Variants in ATPSCKMT observed in about 807,000 individuals in gnomAD.
ATPSCKMT encodes the protein ATP synthase c subunit lysine N-methyltransferase, also known as ATP synthase subunit C lysine N-methyltransferase.
ATPSCKMT carries 24 observed loss-of-function variants against 24.3 expected under a neutral mutation model. The observed-to-expected ratio is 0.99, with a 90% CI of 0.71 to 1.39. ATPSCKMT has a LOEUF of 1.39. ATPSCKMT is among the 40% of genes most tolerant of loss of function. The pLI, the probability that ATPSCKMT is intolerant of heterozygous loss-of-function variation, is 0.00. For synonymous variants in ATPSCKMT, 95 were observed against 110.5 expected, an observed-to-expected ratio of 0.86 and a Z score of 0.88; for missense variants, 311 against 298.4, an observed-to-expected ratio of 1.04 and a Z score of -0.31.
chr5:10,226,887 A>G lies in ATPSCKMT; in HGVS notation c.*554T>C, dbSNP rs1743904596. ...TACATTTACACATACATGTATACAA[A>G]TGTACACATATACAGCTTAGATTCC... is the stretch of plus-strand genomic sequence containing the variant. On this transcript the variant is annotated 3_prime_UTR_variant, in exon 5 of 5. Transcript: ENST00000511437. 1 of 155,102 alleles carries G rather than the reference A, an allele frequency of 6.4e-6. No individual in the cohort carries two copies. The highest frequency in any genetic ancestry group is 2.4e-5 in the African/African-American group (1 of 41,468). 9.6% of individuals were successfully genotyped at this position (155,102 alleles called of 1,614,324 possible).
chr5:10,233,487 G>A (rs1440378256), intron 4 of ATPSCKMT, among the ~76,000 whole-genome samples: 1 of 152,162 alleles, frequency 6.6e-6, no homozygotes, highest in Non-Finnish European at 1.5e-5. Flanking sequence ...AATGGTACAT[G>A]TTCCTTATTT....
chr5:10,239,139 A>C lies in ATPSCKMT; in HGVS notation c.234T>G (p.Ile78Met). 6.2e-7 allele frequency: 1 copy of C among 1,614,202 alleles called. No individual in the cohort carries two copies. The highest frequency in any genetic ancestry group is 8.5e-7 in the Non-Finnish European group (1 of 1,180,046). The change falls in exon 2 of 5, where the codon ATT becomes ATG. Residue 78 changes from isoleucine (I) to methionine (M), a missense_variant. Coordinates refer to ENST00000511437, the MANE Select transcript of ATPSCKMT (RefSeq NM_199133.4). ...ATCGCAACATTTTCACAACATTTTC[A>C]ATCTGCTTCGTAGTTGCAGGTACAA... ...LPFVPATTKQ[I>M]ENVVKMLRCR...
chr5:10,233,435 T>C (rs1352997946), intron 4 of ATPSCKMT, among the ~76,000 whole-genome samples: 2 of 152,182 alleles, frequency 1.3e-5, no homozygotes, highest in Non-Finnish European at 2.9e-5. Context: ...CGTGGACACT[T>C]TGTATCCTTC....
At chr5:10,246,659 T>C (rs549244441) in intron 1 of ATPSCKMT, among the ~76,000 whole-genome samples, 1 of 152,348 alleles carries the variant, frequency 6.6e-6, no homozygotes, top group East Asian at 1.9e-4. Context: ...ACGCATTTGT[T>C]CACCAAGTTT....
chr5:10,240,480 C>T (rs1744588122), intron 1 of ATPSCKMT, among the ~76,000 whole-genome samples: 1 of 152,056 alleles, frequency 6.6e-6, no homozygotes, highest in Non-Finnish European at 1.5e-5. Context: ...CCTCCAGAGC[C>T]AGCCAAAGTT....
At chr5:10,245,724 G>A (rs1190840531) in intron 1 of ATPSCKMT, among the ~76,000 whole-genome samples, 1 of 150,950 alleles carries the variant, frequency 6.6e-6, no homozygotes, top group African/African-American at 2.4e-5. Context: ...TCCAACCTGG[G>A]TGACAGAGTG....
At chr5:10,235,092 G>T in intron 4 of ATPSCKMT, 119 bp downstream of exon 4, 1 of 774,078 alleles carries the variant, frequency 1.3e-6, no homozygotes, top group Non-Finnish European at 2.2e-6. Flanking sequence ...CTGAAATCCA[G>T]TGTTCCCTAA....
rs1306845095 is a variant in ATPSCKMT, at chr5:10,236,648, G to A, written c.307-33C>T. 15 of 1,598,240 alleles carry A rather than the reference G, an allele frequency of 9.4e-6. No individual in the cohort carries two copies. The Admixed American group carries it at 1.6e-4, about 17-fold the overall frequency. On this transcript the variant is annotated intron_variant, in intron 2 of 4. Coordinates refer to ENST00000511437, the MANE Select transcript of ATPSCKMT (RefSeq NM_199133.4). ...GAGAGGCAGGATTTATTCAAAATAA[G>A]AAGAAAAAATGAACATACATGGTCA...
intron 1 of ATPSCKMT, among the ~76,000 whole-genome samples, chr5:10,246,359 G>A (rs1000230294): frequency 5.9e-5 from 9 of 151,808 alleles, no homozygotes; most frequent in Non-Finnish European, 1.2e-4. Flanking sequence ...CACCTGAACC[G>A]GGGAGGCAGA....
chr5:10,240,238 A>G (rs998489103), intron 1 of ATPSCKMT, among the ~76,000 whole-genome samples: 1 of 151,680 alleles, frequency 6.6e-6, no homozygotes, highest in African/African-American at 2.4e-5. Flanking sequence ...TGTCTCAAAA[A>G]AAAAAAAAAG....
intron 1 of ATPSCKMT, among the ~76,000 whole-genome samples, chr5:10,244,978 T>G (rs1247475018): frequency 6.6e-6 from 1 of 152,136 alleles, no homozygotes; most frequent in East Asian, 1.9e-4. Flanking sequence ...AAAATTATCT[T>G]GTGGACATTC....
Position 10,227,314 on chromosome 5 carries a change from A to C in ATPSCKMT, c.*127T>G, listed in dbSNP as rs1226011859. 1.0e-6 allele frequency: 1 copy of C among 953,700 alleles called. No individual in the cohort carries two copies. The highest frequency in any genetic ancestry group is 1.5e-6 in the Non-Finnish European group (1 of 649,186). The allele number at this position is 953,700 out of a possible 1,614,324, so 59.1% of individuals were successfully genotyped here. The stretch of plus-strand genomic sequence containing the variant: ...CTTCGTTTGTTTTCTCCAACAGTTA[A>C]GGAAAGTAATAGTAATTTCTCATTC... On this transcript the variant is annotated 3_prime_UTR_variant, in exon 5 of 5. Transcript: ENST00000511437.
At chr5:10,246,257 A>G (rs1200763298) in intron 1 of ATPSCKMT, among the ~76,000 whole-genome samples, 1 of 151,970 alleles carries the variant, frequency 6.6e-6, no homozygotes, top group Non-Finnish European at 1.5e-5. Flanking sequence ...TTGTGAAACA[A>G]CAACTCTACT....
chr5:10,243,472 G>A (rs536771427), intron 1 of ATPSCKMT, among the ~76,000 whole-genome samples: 42 of 146,378 alleles, frequency 2.9e-4, no homozygotes, highest in Admixed American at 2.2e-3. Context: ...GCGAGACTCC[G>A]TCTCAAAAGA....
Position 10,227,493 on chromosome 5 carries a change from C to A in ATPSCKMT, c.650G>T (p.Arg217Leu), listed in dbSNP as rs200573104. Reference sequence around the variant, plus strand: ...CATCGATGTACAGGGCCTCTTTTCACGGCCTCTAAAAGTGCTTGCATCATA... The same window carrying A: ...CATCGATGTACAGGGCCTCTTTTCAAGGCCTCTAAAAGTGCTTGCATCATA... ...WAYDASTFRG[R>L]EKRPCTSMHF... The change falls in exon 5 of 5, where the codon CGT becomes CTT. Residue 217 changes from arginine to leucine, a missense_variant. Transcript: ENST00000511437. 3.3e-5 allele frequency: 53 copies of A among 1,614,050 alleles called. No homozygotes were observed. Among genetic ancestry groups the A allele is most frequent in the Non-Finnish European group, 4.1e-5 (48 of 1,180,042 alleles).
intron 1 of ATPSCKMT, among the ~76,000 whole-genome samples, chr5:10,244,977 T>C (rs1451103379): frequency 1.3e-5 from 2 of 152,144 alleles, no homozygotes; most frequent in East Asian, 1.9e-4. Context: ...AAAAATTATC[T>C]TGTGGACATT....
chr5:10,232,407 G>A (rs1250105670), intron 4 of ATPSCKMT, among the ~76,000 whole-genome samples: 2 of 152,236 alleles, frequency 1.3e-5, no homozygotes, highest in Non-Finnish European at 2.9e-5. Context: ...AAGAAGAAAG[G>A]CCTGGTCCCT....
rs71599523 is a variant in ATPSCKMT at position 10,241,726 on chromosome 5, G to A, written c.17-2370C>T. Among the ~76,000 whole-genome samples, 1,217 of 152,222 alleles carry A rather than the reference G, an allele frequency of 8.0e-3. 3 individuals carry two copies. Among genetic ancestry groups the A allele is most frequent in the South Asian group, 0.018 (88 of 4,828 alleles). On this transcript the variant is annotated intron_variant, in intron 1 of 4. Coordinates refer to ENST00000511437, the MANE Select transcript of ATPSCKMT (RefSeq NM_199133.4). ...TTCAGTTATAATTTTGGCATTTTAC[G>A]GAGGAACTTACAGGCATACCTTGGA... is the stretch of plus-strand genomic sequence containing the variant.
rs1278214385 is a variant in ATPSCKMT at position 10,235,274 on chromosome 5, G to A, written c.445-13C>T. ...GCGAAAAAGTAACCTGAACAAGGTG[G>A]GAAAATAATCAGTAGATTAAGTGCA... On this transcript the variant is annotated splice_polypyrimidine_tract_variant and intron_variant, in intron 3 of 4. Coordinates refer to ENST00000511437, the MANE Select transcript of ATPSCKMT (RefSeq NM_199133.4). 3 of 1,611,404 alleles carry A rather than the reference G, an allele frequency of 1.9e-6. No individual in the cohort carries two copies. The highest frequency in any genetic ancestry group is 2.2e-5 in the East Asian group (1 of 44,684).
Sources: allele counts gnomAD v4.1 joint callset (sites outside exome capture counted in the v4.1 genomes callset), GRCh38; gene constraint gnomAD v4.1.1; transcripts MANE v1.5; gene names NCBI Gene and HGNC (gene_info 2026-07-23, HGNC 2026-07-21).